DOP1A: variants seen among roughly 807,000 people sequenced by gnomAD.
DOP1A encodes DOP1 leucine zipper like protein A.
Under a neutral mutation model 267.6 loss-of-function variants are expected in DOP1A, and 90 were observed. The ratio of observed to expected loss-of-function variants is 0.34; its 90% CI spans 0.28 to 0.40. The LOEUF (loss-of-function observed/expected upper bound fraction) is 0.40, where lower values mean the gene tolerates loss of function less well. DOP1A is among the 10% of genes least tolerant of loss of function. DOP1A has a pLI of 1.00. For missense variants in DOP1A, 2,437 were observed against 2,900.4 expected (o/e 0.84, Z 3.67); for synonymous variants, 932 against 999.1 (o/e 0.93, Z 1.27).
chr6:83,111,378 C>T (rs557722054), intron 6 of DOP1A, among the ~76,000 whole-genome samples: 48 of 151,468 alleles, frequency 3.2e-4, no homozygotes, highest in Admixed American at 2.7e-3. Context: ...TCATTTATTT[C>T]GGGTATACAT....
At position 83,129,001 on chromosome 6, in the gene DOP1A, C is replaced by T; in HGVS notation, c.1834C>T (p.Arg612Ter). Reference sequence around the variant, plus strand: ...TGAGTTTATACAATATCAAGCAGACCGAACTGATGATATTGACAGAGAACT... The same window carrying T: ...TGAGTTTATACAATATCAAGCAGACTGAACTGATGATATTGACAGAGAACT... ...FTEFIQYQAD[R>*]TDDIDRELSE... The change falls in exon 16 of 39, where the codon CGA (arginine) becomes TGA (stop). Residue 612 changes from arginine to a stop codon, truncating the protein, a stop_gained. Transcript: ENST00000349129. LOFTEE classifies it high-confidence loss of function. The T allele has an allele frequency of 2.5e-6, 4 of 1,612,934 alleles. No homozygotes were observed. Among genetic ancestry groups the T allele is most frequent in the Non-Finnish European group, 3.4e-6 (4 of 1,179,512 alleles).
At chr6:83,124,112 T>A (rs765053821) in intron 12 of DOP1A, among the ~76,000 whole-genome samples, 5 of 152,200 alleles carry the variant, frequency 3.3e-5, no homozygotes, top group Middle Eastern at 6.8e-3. Flanking sequence ...ATGCTTATAT[T>A]CTTGTTGGTC....
At chr6:83,134,150 A>T (rs1341690970) in intron 18 of DOP1A, 37 bp from the exon 19 acceptor site, 2 of 1,559,756 alleles carry the variant, frequency 1.3e-6, no homozygotes, top group Middle Eastern at 1.7e-4. Flanking sequence ...TCTTCAAGAG[A>T]GAAGAACATA....
chr6:83,083,420 TAAA>T (rs560759261), intron 1 of DOP1A, among the ~76,000 whole-genome samples: 4 of 139,434 alleles, frequency 2.9e-5, no homozygotes, highest in African/African-American at 5.2e-5. Flanking sequence ...ACTTGTGGTT[TAAA>T]AAAAAAAAAA....
Position 83,119,837 on chromosome 6 carries a change from T to C in DOP1A, c.970T>C (p.Ser324Pro). The change falls in exon 9 of 39, where the codon TCA (serine) becomes CCA (proline). Residue 324 changes from serine (S) to proline (P), a missense_variant. Physicochemically the swap from Ser to Pro is moderately conservative, Grantham distance 74 (BLOSUM62 -1). This residue lies in a region of DOP1A where 498 missense variants were observed against 513.5 expected (regional missense o/e 0.97). Coordinates refer to ENST00000349129, the MANE Select transcript of DOP1A (RefSeq NM_015018.4). ...TGCCACTTACTATTTCACTACCTTT[T>C]CAAAAGAATTATTAGTCCAGGTAAT... Reference protein sequence around the residue: ...EHATYYFTTFSKELLVQAMVG... With the variant: ...EHATYYFTTFPKELLVQAMVG... 3 of 1,612,214 alleles carry C rather than the reference T, an allele frequency of 1.9e-6. No homozygotes were observed. The highest frequency in any genetic ancestry group is 1.7e-6 in the Non-Finnish European group (2 of 1,178,560).
At chr6:83,161,857 C>CA (rs1784314589) in intron 37 of DOP1A, among the ~76,000 whole-genome samples, 1 of 151,984 alleles carries the variant, frequency 6.6e-6, no homozygotes, top group African/African-American at 2.4e-5. Context: ...CAGATGTGCA[C>CA]AAAAATAAAT....
chr6:83,148,018 C>T (rs1357692221), intron 26 of DOP1A, among the ~76,000 whole-genome samples: 1 of 152,116 alleles, frequency 6.6e-6, no homozygotes, highest in Non-Finnish European at 1.5e-5. Context: ...CTAGGGAGTA[C>T]ATGACTGTGG....
At chr6:83,090,203 A>G (rs1770087400) in intron 1 of DOP1A, among the ~76,000 whole-genome samples, 1 of 152,220 alleles carries the variant, frequency 6.6e-6, no homozygotes, top group African/African-American at 2.4e-5. Flanking sequence ...TATGTTACTT[A>G]TTTAATTTTG....
intron 6 of DOP1A, among the ~76,000 whole-genome samples, chr6:83,111,379 G>T (rs972785966): frequency 6.6e-6 from 1 of 151,238 alleles, no homozygotes; most frequent in African/African-American, 2.4e-5. Context: ...CATTTATTTC[G>T]GGTATACATC....
chr6:83,073,539 T>G (rs1259081128), intron 1 of DOP1A, among the ~76,000 whole-genome samples: 1 of 152,224 alleles, frequency 6.6e-6, no homozygotes, highest in Admixed American at 6.5e-5. Context: ...ATAACTTTCA[T>G]TATGTTTTAA....
At chr6:83,142,276 G>A (rs543346450) in intron 24 of DOP1A, among the ~76,000 whole-genome samples, 4 of 152,196 alleles carry the variant, frequency 2.6e-5, no homozygotes, top group East Asian at 3.9e-4. Flanking sequence ...TTGGGAGGCC[G>A]AGGAGGGCGG....
intron 1 of DOP1A, among the ~76,000 whole-genome samples, chr6:83,092,139 C>T (rs185377035): frequency 2.6e-5 from 4 of 151,702 alleles, no homozygotes; most frequent in Admixed American, 2.6e-4. Flanking sequence ...ACAGGTATTG[C>T]TTTGTGTGTA....
chr6:83,170,156 A>G (rs930748820), downstream of DOP1A: 10 of 663,384 alleles, frequency 1.5e-5, no homozygotes, highest in African/African-American at 1.8e-4. Flanking sequence ...ACTGCTGGTG[A>G]AAATAATTTT....
intron 33 of DOP1A, among the ~76,000 whole-genome samples, chr6:83,154,707 G>A (rs1352480529): frequency 6.6e-6 from 1 of 151,992 alleles, no homozygotes; most frequent in African/African-American, 2.4e-5. Flanking sequence ...AAGAAAGAGG[G>A]GTGCCAAGAA....
chr6:83,166,652 T>C, intron 38 of DOP1A: 1 of 1,203,284 alleles, frequency 8.3e-7, no homozygotes, highest in Non-Finnish European at 1.1e-6. Context: ...ATTTCAACAA[T>C]GCAAAAACCG....
intron 35 of DOP1A, 42 bp from the exon 36 acceptor site, chr6:83,158,525 A>G: frequency 7.1e-7 from 1 of 1,407,452 alleles, no homozygotes; most frequent in South Asian, 1.2e-5. Context: ...AAAGGATTAA[A>G]TATCCAGTTT....
intron 14 of DOP1A, 62 bp from the exon 15 acceptor site, chr6:83,125,437 TA>T: frequency 1.4e-6 from 2 of 1,464,830 alleles, no homozygotes; most frequent in Non-Finnish European, 1.9e-6. Context: ...TTATATAGAT[TA>T]AAAAATGTAA....
intron 38 of DOP1A, chr6:83,166,911 C>T (rs573502256): frequency 8.1e-6 from 8 of 989,338 alleles, no homozygotes; most frequent in Admixed American, 1.2e-4. Context: ...ATGATTTCTT[C>T]CTTCTGTCTA....
At chr6:83,126,072 A>G (rs955791930) in intron 15 of DOP1A, among the ~76,000 whole-genome samples, 5 of 151,538 alleles carry the variant, frequency 3.3e-5, no homozygotes, top group African/African-American at 1.2e-4. Context: ...AATTGATGTC[A>G]TATAAATAAG....
Sources: gnomAD v4.1 joint callset for allele counts (sites outside exome capture counted in the v4.1 genomes callset) on GRCh38, gnomAD v4.1.1 for gene constraint, gnomAD v4.1.1 regional missense constraint, MANE v1.5 for transcripts, NCBI Gene and HGNC (gene_info 2026-07-23, HGNC 2026-07-21) for gene names.